Variants in PRELID2 observed in about 807,000 individuals in gnomAD.
PRELID2 encodes PRELI domain containing 2.
Under a neutral mutation model 28.4 loss-of-function variants are expected in PRELID2, and 25 were observed. The ratio of observed to expected loss-of-function variants is 0.88; its 90% CI spans 0.64 to 1.23. The LOEUF is 1.23. PRELID2 is among the 50% of genes most tolerant of loss of function. The pLI is 0.00. For missense variants in PRELID2, 201 were observed against 214.4 expected, an observed-to-expected ratio of 0.94 and a Z score of 0.39; for synonymous variants, 76 against 71.6, an observed-to-expected ratio of 1.06 and a Z score of -0.31.
chr5:145,816,538 A>C (rs1483323124), intron 4 of PRELID2, among the ~76,000 whole-genome samples: 3 of 152,094 alleles, frequency 2.0e-5, no homozygotes, highest in Non-Finnish European at 4.4e-5. Context: ...ACCCATGTTT[A>C]TTTCTAAGTG....
At chr5:145,494,432 G>A (rs539427545) in intron 1 of PRELID2, among the ~76,000 whole-genome samples, 50 of 152,194 alleles carry the variant, frequency 3.3e-4, no homozygotes, top group African/African-American at 1.2e-3. Flanking sequence ...TTAATAAAAC[G>A]TTTCAACTTT....
At chr5:145,309,987 G>A in the PRELID2 span, among the ~76,000 whole-genome samples, 1 of 152,150 alleles carries the variant, frequency 6.6e-6, no homozygotes, top group Non-Finnish European at 1.5e-5. Context: ...AATGCCACAG[G>A]AAGGACAAAC....
intron 4 of PRELID2, among the ~76,000 whole-genome samples, chr5:145,805,874 G>A (rs1753467595): frequency 1.3e-5 from 2 of 152,148 alleles, no homozygotes; most frequent in African/African-American, 2.4e-5. Context: ...TGGTATTTGT[G>A]TATCTAAACA....
the PRELID2 span, among the ~76,000 whole-genome samples, chr5:145,349,488 G>T: frequency 6.6e-6 from 1 of 151,818 alleles, no homozygotes; most frequent in East Asian, 1.9e-4. Flanking sequence ...ATTATTATAT[G>T]ACTTCATTTT....
At chr5:145,595,192 A>ACACACG (rs1753288225) in intron 1 of PRELID2, among the ~76,000 whole-genome samples, 3 of 151,542 alleles carry the variant, frequency 2.0e-5, no homozygotes, top group African/African-American at 7.3e-5. Flanking sequence ...ACACACACAC[A>ACACACG]CACACACACT....
At chr5:145,787,979 T>G (rs1457639310) in intron 5 of PRELID2, among the ~76,000 whole-genome samples, 1 of 152,038 alleles carries the variant, frequency 6.6e-6, no homozygotes, top group African/African-American at 2.4e-5. Flanking sequence ...GGAGTAATAA[T>G]GAAAAAAGGG....
At chr5:145,408,221 T>C in the PRELID2 span, among the ~76,000 whole-genome samples, 2 of 151,974 alleles carry the variant, frequency 1.3e-5, no homozygotes, top group Non-Finnish European at 2.9e-5. Context: ...AAAGTATTTC[T>C]GGTAATATGA....
the PRELID2 span, among the ~76,000 whole-genome samples, chr5:145,378,963 C>CT: frequency 2.0e-5 from 3 of 151,572 alleles, no homozygotes; most frequent in East Asian, 1.9e-4. Flanking sequence ...GATTATTTTT[C>CT]TTTTTTTTCT....
At chr5:145,685,394 T>C (rs531273418) in intron 1 of PRELID2, among the ~76,000 whole-genome samples, 1 of 152,296 alleles carries the variant, frequency 6.6e-6, no homozygotes, top group East Asian at 1.9e-4. Flanking sequence ...CAAATGTTAT[T>C]CTTGCTCTCT....
chr5:145,312,634 T>G, the PRELID2 span, among the ~76,000 whole-genome samples: 1 of 152,188 alleles, frequency 6.6e-6, no homozygotes, highest in African/African-American at 2.4e-5. Context: ...TCTGGCTTAT[T>G]TCACTTAACA....
chr5:145,309,608 TCTCA>T, the PRELID2 span, among the ~76,000 whole-genome samples: 3 of 152,214 alleles, frequency 2.0e-5, no homozygotes, highest in South Asian at 4.1e-4. Context: ...TTGATTCTAC[TCTCA>T]CTAACAACAA....
chr5:145,502,872 A>T (rs1178457611), intron 1 of PRELID2, among the ~76,000 whole-genome samples: 1 of 150,866 alleles, frequency 6.6e-6, no homozygotes, highest in Non-Finnish European at 1.5e-5. Flanking sequence ...GTGTCTGTAT[A>T]GATATCACTA....
chr5:145,546,727 T>C (rs1752791450), intron 1 of PRELID2, among the ~76,000 whole-genome samples: 1 of 152,204 alleles, frequency 6.6e-6, no homozygotes, highest in African/African-American at 2.4e-5. Flanking sequence ...TAACTGGTTA[T>C]GTTCAGGTGT....
the PRELID2 span, among the ~76,000 whole-genome samples, chr5:145,425,918 C>G: frequency 1.8e-4 from 27 of 152,124 alleles, no homozygotes; most frequent in African/African-American, 6.5e-4. Context: ...ACAGCCTTCC[C>G]TTAGAGATCA....
At chr5:145,503,263 C>G (rs982094346) in intron 1 of PRELID2, among the ~76,000 whole-genome samples, 2 of 152,084 alleles carry the variant, frequency 1.3e-5, no homozygotes, top group South Asian at 4.1e-4. Context: ...CTATTCTAAT[C>G]CTCTGAGCAA....
At chr5:145,765,652 C>T (rs1031123757) in intron 5 of PRELID2, among the ~76,000 whole-genome samples, 1 of 152,172 alleles carries the variant, frequency 6.6e-6, no homozygotes, top group Non-Finnish European at 1.5e-5. Context: ...CCCAAGGGAT[C>T]AGCTAAGACC....
intron 4 of PRELID2, among the ~76,000 whole-genome samples, chr5:145,811,459 TTTA>T (rs1158023576): frequency 6.6e-6 from 1 of 152,024 alleles, no homozygotes; most frequent in Non-Finnish European, 1.5e-5. Context: ...GGCTAATTAT[TTTA>T]TTATTTGTAG....
chr5:145,810,913 T>G (rs1448860817), intron 4 of PRELID2, among the ~76,000 whole-genome samples: 1 of 152,104 alleles, frequency 6.6e-6, no homozygotes, highest in East Asian at 1.9e-4. Context: ...CCTCTTTTTT[T>G]GTTTGAGACA....
intron 1 of PRELID2, among the ~76,000 whole-genome samples, chr5:145,492,343 T>TAATACTCCCTTCTCCCTCGCTGC (rs1389027055): frequency 4.2e-5 from 6 of 143,538 alleles, no homozygotes; most frequent in East Asian, 2.0e-4. Flanking sequence ...AAATGTCTAT[T>TAATACTCCCTTCTCCCTCGCTGC]CAGGTCCTTT....
Sources: gnomAD v4.1 joint callset for allele counts (sites outside exome capture counted in the v4.1 genomes callset) on GRCh38, gnomAD v4.1.1 for gene constraint, MANE v1.5 for transcripts, NCBI Gene and HGNC (gene_info 2026-07-23, HGNC 2026-07-21) for gene names.